The following MIR2052HG variants were observed in gnomAD, a reference collection of about 807,000 sequenced individuals.
MIR2052HG encodes the protein MIR2052 host gene.
At chr8:74,753,598 C>G (rs1809970568) in intron 5 of MIR2052HG, among the ~76,000 whole-genome samples, 2 of 152,100 alleles carry the variant, frequency 1.3e-5, no homozygotes, top group Admixed American at 6.6e-5. Flanking sequence ...ATTTACATCT[C>G]TCTATATTTC....
chr8:74,747,523 C>T (rs1809899729), intron 4 of MIR2052HG, among the ~76,000 whole-genome samples: 1 of 151,926 alleles, frequency 6.6e-6, no homozygotes, highest in Admixed American at 6.6e-5. Context: ...CCTTACATAC[C>T]AAAAAACCTA....
In MIR2052HG at chr8:74,719,933, C is replaced by T. The variant is rs778171357; in HGVS notation, n.371+16251C>T. 1.0e-4 allele frequency among the ~76,000 whole-genome samples: 15 copies of T among 150,080 alleles called. No individual in the cohort carries two copies. In the East Asian group the frequency reaches 2.0e-3, roughly 20 times the overall value. On this transcript the variant is annotated intron_variant and non_coding_transcript_variant, in intron 4 of 6. Coordinates refer to ENST00000523442, the Ensembl canonical transcript of MIR2052HG. The stretch of plus-strand genomic sequence containing the variant: ...CATGATCTCGGCTCACTGCAGCCTC[C>T]GCCTCACAGGTTCAAGCAGTTCTCC...
intron 2 of MIR2052HG, among the ~76,000 whole-genome samples, chr8:74,653,525 C>T (rs1240822170): frequency 1.3e-5 from 2 of 152,016 alleles, no homozygotes; most frequent in Non-Finnish European, 2.9e-5. Context: ...AATGACATGC[C>T]CTGCAATGTA....
At chr8:74,704,616 C>T (rs1387806831) in intron 4 of MIR2052HG, among the ~76,000 whole-genome samples, 1 of 152,064 alleles carries the variant, frequency 6.6e-6, no homozygotes, top group Non-Finnish European at 1.5e-5. Context: ...TTATTCTCCT[C>T]AGGATCCCAA....
chr8:74,607,818 A>C (rs1351714506), intron 1 of MIR2052HG, among the ~76,000 whole-genome samples: 2 of 152,214 alleles, frequency 1.3e-5, no homozygotes, highest in African/African-American at 4.8e-5. Context: ...AAACTAGCTT[A>C]GCGGAAGTAC....
At chr8:74,602,417 C>G (rs1276773475) in intron 1 of MIR2052HG, among the ~76,000 whole-genome samples, 1 of 152,196 alleles carries the variant, frequency 6.6e-6, no homozygotes, top group Non-Finnish European at 1.5e-5. Context: ...CATGAATAAT[C>G]CATCCCTTGT....
intron 2 of MIR2052HG, among the ~76,000 whole-genome samples, chr8:74,661,100 A>G (rs1429202147): frequency 1.3e-5 from 2 of 152,188 alleles, no homozygotes; most frequent in Non-Finnish European, 2.9e-5. Context: ...AGCAAGTGAA[A>G]CAGGACCTGA....
At chr8:74,731,774 A>G (rs1395763942) in intron 4 of MIR2052HG, among the ~76,000 whole-genome samples, 2 of 152,166 alleles carry the variant, frequency 1.3e-5, no homozygotes, top group African/African-American at 4.8e-5. Flanking sequence ...GACTTCACTT[A>G]TAATCACAAC....
intron 2 of MIR2052HG, among the ~76,000 whole-genome samples, chr8:74,630,850 A>G (rs1426155172): frequency 6.6e-6 from 1 of 152,186 alleles, no homozygotes; most frequent in Non-Finnish European, 1.5e-5. Flanking sequence ...CCTGTAGCCT[A>G]CTTCATTTGA....
At chr8:74,685,135 G>C (rs1182557603) in intron 2 of MIR2052HG, among the ~76,000 whole-genome samples, 1 of 152,056 alleles carries the variant, frequency 6.6e-6, no homozygotes, top group Non-Finnish European at 1.5e-5. Flanking sequence ...TATTTGACAT[G>C]CAAGAAGTTG....
At chr8:74,606,531 C>G (rs1304412553) in intron 1 of MIR2052HG, among the ~76,000 whole-genome samples, 1 of 152,100 alleles carries the variant, frequency 6.6e-6, no homozygotes, top group Non-Finnish European at 1.5e-5. Context: ...TTTTAAAGTT[C>G]TGATGTAATG....
intron 4 of MIR2052HG, among the ~76,000 whole-genome samples, chr8:74,744,162 G>T (rs1397162388): frequency 6.6e-6 from 1 of 152,036 alleles, no homozygotes. Context: ...AGTCAGATTT[G>T]TTTGGGTATG....
chr8:74,657,227 C>A (rs1808816290), intron 2 of MIR2052HG, among the ~76,000 whole-genome samples: 1 of 152,214 alleles, frequency 6.6e-6, no homozygotes, highest in African/African-American at 2.4e-5. Flanking sequence ...AATCCAAGCA[C>A]CCTCTTTCCA....
rs114328507 is a variant in MIR2052HG at position 74,686,586 on chromosome 8, G to T, written n.217-15793G>T. ...GAATGAGATCTGCTGCTTACTAGTT[G>T]TGTCACCTTGGGTAAGTTTCTTGAA... On this transcript the variant is annotated intron_variant and non_coding_transcript_variant, in intron 2 of 6. Coordinates refer to ENST00000523442, the Ensembl canonical transcript of MIR2052HG. Among the ~76,000 whole-genome samples, 906 of 152,146 alleles carry T rather than the reference G, an allele frequency of 6.0e-3. 11 individuals carry two copies. The highest frequency in any genetic ancestry group is 0.02 in the African/African-American group (835 of 41,534).
At chr8:74,719,758 C>A (rs1809555411) in intron 4 of MIR2052HG, among the ~76,000 whole-genome samples, 1 of 151,746 alleles carries the variant, frequency 6.6e-6, no homozygotes, top group African/African-American at 2.4e-5. Flanking sequence ...ACAGCCTTAG[C>A]AGGAGGTGCT....
chr8:74,661,765 A>G (rs1808868015), intron 2 of MIR2052HG, among the ~76,000 whole-genome samples: 1 of 152,186 alleles, frequency 6.6e-6, no homozygotes. Flanking sequence ...ACAAGGTTTG[A>G]GCTTGTGACT....
chr8:74,664,133 GGGAAGGC>G (rs1228379652), intron 2 of MIR2052HG, among the ~76,000 whole-genome samples: 1 of 150,048 alleles, frequency 6.7e-6, no homozygotes, highest in Non-Finnish European at 1.5e-5. Flanking sequence ...GGGAGAGAGT[GGGAAGGC>G]GGTGTGTGAT....
At chr8:74,737,779 C>A (rs1809783037) in intron 4 of MIR2052HG, among the ~76,000 whole-genome samples, 1 of 152,128 alleles carries the variant, frequency 6.6e-6, no homozygotes, top group Admixed American at 6.5e-5. Flanking sequence ...ATGAAATCTT[C>A]AGACTTTTGT....
intron 2 of MIR2052HG, among the ~76,000 whole-genome samples, chr8:74,685,163 G>A (rs956888514): frequency 3.3e-5 from 5 of 152,012 alleles, no homozygotes; most frequent in African/African-American, 7.2e-5. Context: ...CATTCTGGAA[G>A]CATTTATAAG....
Sources: gnomAD v4.1 joint callset for allele counts (sites outside exome capture counted in the v4.1 genomes callset) on GRCh38, gnomAD v4.1.1 for gene constraint, MANE v1.5 for transcripts, NCBI Gene and HGNC (gene_info 2026-07-23, HGNC 2026-07-21) for gene names.